The following RAB35 variants were observed in gnomAD, a reference collection of about 807,000 sequenced individuals.
RAB35 encodes the protein ras-related protein Rab-35.
A neutral mutation model predicts 28.9 loss-of-function variants in RAB35; 4 were observed. The ratio of observed to expected loss-of-function variants is 0.14; its 90% CI spans 0.07 to 0.32. The LOEUF is 0.32. Among genes scored for constraint, RAB35 ranks in the 10% least tolerant of loss-of-function variants. The pLI is 1.00. For synonymous variants in RAB35, 99 were observed against 105.1 expected (o/e 0.94, Z 0.35); for missense variants, 128 against 274.0 (o/e 0.47, Z 3.76).
At chr12:120,113,347 C>G (rs2139063572) in intron 1 of RAB35, among the ~76,000 whole-genome samples, 1 of 152,254 alleles carries the variant, frequency 6.6e-6, no homozygotes, top group Non-Finnish European at 1.5e-5. Flanking sequence ...CCTGCCTCAG[C>G]CACCACCTCA....
At chr12:120,113,191 C>CTTT (rs545607204) in intron 1 of RAB35, among the ~76,000 whole-genome samples, 1 of 132,078 alleles carries the variant, frequency 7.6e-6, no homozygotes. Context: ...TGTGCCCGGC[C>CTTT]TTTTTTTTTT....
chr12:120,116,023 TAA>T (rs1348599994), intron 1 of RAB35, among the ~76,000 whole-genome samples: 1 of 152,224 alleles, frequency 6.6e-6, no homozygotes, highest in Non-Finnish European at 1.5e-5. Flanking sequence ...TTACCTCATT[TAA>T]ACCTCACGGC....
Position 120,095,672 on chromosome 12 carries a change from C to G in RAB35, c.*1573G>C, listed in dbSNP as rs551806616. ...GCCCATGGGGCTCCCCCACCCCATC[C>G]CGTGGCTCCAAAGTGAAGGCCTGTC... On this transcript the variant is annotated 3_prime_UTR_variant, in exon 6 of 6. Coordinates refer to ENST00000229340, the MANE Select transcript of RAB35 (RefSeq NM_006861.7). 15 of 152,364 alleles carry G rather than the reference C, an allele frequency of 9.8e-5. No homozygotes were observed. Among genetic ancestry groups the G allele is most frequent in the African/African-American group, 2.6e-4 (11 of 41,562 alleles). The allele number at this position is 152,364 out of a possible 1,614,324, so 9.4% of individuals were successfully genotyped here.
At chr12:120,099,193 C>G in intron 3 of RAB35, 39 bp from the exon 4 acceptor site, 1 of 1,612,548 alleles carries the variant, frequency 6.2e-7, no homozygotes, top group Non-Finnish European at 8.5e-7. Context: ...TCAACCCCGA[C>G]AGGAGTCACC....
chr12:120,103,924 C>T lies in RAB35; in HGVS notation c.129G>A (p.Val43=), dbSNP rs1875761694. 4 of 1,613,990 alleles carry T rather than the reference C, an allele frequency of 2.5e-6. No homozygotes were observed. The highest frequency in any genetic ancestry group is 3.4e-6 in the Non-Finnish European group (4 of 1,180,018). ...TCTCCACGGTCCGGATCTTGAAATCCACTCCGATCGTGGTGATGTAGCTGC... is the reference window on the plus strand; with the variant it reads ...TCTCCACGGTCCGGATCTTGAAATCTACTCCGATCGTGGTGATGTAGCTGC... ...FSGSYITTIG[V]DFKIRTVEIN... The change falls in exon 3 of 6, where the codon GTG becomes GTA. Residue 43 remains valine, a synonymous_variant. Coordinates refer to ENST00000229340, the MANE Select transcript of RAB35 (RefSeq NM_006861.7). This position sits in a 1 kb window ranked among gnomAD's most constrained non-coding sequence, Gnocchi z 6.1.
At chr12:120,109,342 A>G (rs1876018703) in intron 1 of RAB35, among the ~76,000 whole-genome samples, 1 of 152,094 alleles carries the variant, frequency 6.6e-6, no homozygotes, top group East Asian at 1.9e-4. Context: ...AATCCCAGCT[A>G]CTCGGGAGAC....
chr12:120,112,589 C>T (rs1256186142), intron 1 of RAB35, among the ~76,000 whole-genome samples: 1 of 152,044 alleles, frequency 6.6e-6, no homozygotes, highest in Non-Finnish European at 1.5e-5. Flanking sequence ...CACCACCATG[C>T]CCTGCTAATT....
intron 3 of RAB35, among the ~76,000 whole-genome samples, chr12:120,101,818 G>A (rs1875671666): frequency 6.6e-6 from 1 of 152,220 alleles, no homozygotes; most frequent in Non-Finnish European, 1.5e-5. Context: ...GTTGCTCCCA[G>A]GAAGCTGAGT....
intron 1 of RAB35, among the ~76,000 whole-genome samples, chr12:120,112,164 G>C (rs924585335): frequency 2.3e-4 from 35 of 152,076 alleles, no homozygotes; most frequent in African/African-American, 8.5e-4. Flanking sequence ...TGTTTGTAGG[G>C]ACAGGGTTTC....
chr12:120,096,616 C>G lies in RAB35; in HGVS notation c.*629G>C, dbSNP rs1417442667. On this transcript the variant is annotated 3_prime_UTR_variant, in exon 6 of 6. Transcript: ENST00000229340. Reference sequence around the variant, plus strand: ...CTGCCACCTCTGTGGAACTGCAGGGCCTGCCTTGAGACCAGGTTCCCCAGC... The same window carrying G: ...CTGCCACCTCTGTGGAACTGCAGGGGCTGCCTTGAGACCAGGTTCCCCAGC... 1.6e-6 allele frequency: 2 copies of G among 1,289,768 alleles called. No individual in the cohort carries two copies. The highest frequency in any genetic ancestry group is 3.0e-5 in the African/African-American group (2 of 65,878). The allele number at this position is 1,289,768 out of a possible 1,614,324, so 79.9% of individuals were successfully genotyped here. A position where few individuals can be genotyped will look rare whatever the true frequency, so the allele number is the denominator to read the frequency against.
At chr12:120,110,414 G>A (rs983789804) in intron 1 of RAB35, among the ~76,000 whole-genome samples, 28 of 149,428 alleles carry the variant, frequency 1.9e-4, no homozygotes, top group African/African-American at 6.4e-4. Flanking sequence ...ACCACACCCA[G>A]CAAACTCTTT....
At chr12:120,097,422 C>T (rs2139046602) in intron 5 of RAB35, 49 bp from the exon 6 acceptor site, 1 of 1,497,188 alleles carries the variant, frequency 6.7e-7, no homozygotes, top group Non-Finnish European at 9.1e-7. Context: ...GCCAGGAGGC[C>T]CCTGCTGGCC....
chr12:120,104,037 C>T (rs1875767867), intron 2 of RAB35, 88 bp from the exon 3 acceptor site: 1 of 1,521,052 alleles, frequency 6.6e-7, no homozygotes, highest in East Asian at 2.3e-5. Flanking sequence ...CCCCAGGCTC[C>T]CCCACCCTCC....
At chr12:120,112,887 A>G (rs1338925296) in intron 1 of RAB35, among the ~76,000 whole-genome samples, 1 of 145,318 alleles carries the variant, frequency 6.9e-6, no homozygotes, top group Non-Finnish European at 1.5e-5. Flanking sequence ...ACCACGCCCA[A>G]CTGATTTTTT....
At chr12:120,104,096 C>T (rs986170271) in intron 2 of RAB35, 147 bp from the exon 3 acceptor site, 1 of 1,099,398 alleles carries the variant, frequency 9.1e-7, no homozygotes, top group African/African-American at 1.6e-5. Flanking sequence ...GGACACAGCC[C>T]TGAACATCCT....
intron 1 of RAB35, among the ~76,000 whole-genome samples, chr12:120,111,154 G>A (rs557367157): frequency 2.6e-5 from 4 of 152,306 alleles, no homozygotes; most frequent in South Asian, 4.1e-4. Context: ...CTGCCTAAAC[G>A]AACGCCCGCC....
intron 1 of RAB35, among the ~76,000 whole-genome samples, chr12:120,112,624 C>A (rs1005956074): frequency 6.6e-5 from 10 of 151,152 alleles, no homozygotes; most frequent in African/African-American, 1.7e-4. Context: ...GAGACAGGGC[C>A]TCCCTATGTT....
At position 120,097,315 on chromosome 12, in the gene RAB35, T is replaced by C. The variant is rs1362537026; in HGVS notation, c.536A>G (p.Gln179Arg). Residue 179 changes from glutamine to arginine, a missense_variant, in exon 6 of 6, where the codon CAG becomes CGG. Gln to Arg is a conservative substitution (Grantham distance 43). Transcript: ENST00000229340. ...CACATCGTTCTGTTGTTGCTGCTGC[T>C]GTTTTGCCAGGTTGTCTTTCTTTGC... ...LRAKKDNLAK[Q>R]QQQQQNDVVK... 3.7e-6 allele frequency: 6 copies of C among 1,613,710 alleles called. No individual in the cohort carries two copies. Among genetic ancestry groups the C allele is most frequent in the Non-Finnish European group, 5.1e-6 (6 of 1,180,046 alleles).
At position 120,096,623 on chromosome 12, in the gene RAB35, T is replaced by C. The variant is rs1875406335; in HGVS notation, c.*622A>G. On this transcript the variant is annotated 3_prime_UTR_variant, in exon 6 of 6. Coordinates refer to ENST00000229340, the MANE Select transcript of RAB35 (RefSeq NM_006861.7). ...CTCTGTGGAACTGCAGGGCCTGCCT[T>C]GAGACCAGGTTCCCCAGCTCCCAGA... 1 of 1,289,870 alleles carries C rather than the reference T, an allele frequency of 7.8e-7. No homozygotes were observed. The highest frequency in any genetic ancestry group is 1.0e-6 in the Non-Finnish European group (1 of 988,888). The allele number at this position is 1,289,870 out of a possible 1,614,324, so 79.9% of individuals were successfully genotyped here. A position where few individuals can be genotyped will look rare whatever the true frequency, so the allele number is the denominator to read the frequency against.
Sources: allele counts gnomAD v4.1 joint callset (sites outside exome capture counted in the v4.1 genomes callset), GRCh38; gene constraint gnomAD v4.1.1; non-coding constraint Gnocchi (gnomAD v3.1); transcripts MANE v1.5; gene names NCBI Gene and HGNC (gene_info 2026-07-23, HGNC 2026-07-21).